EMSY: variants seen among roughly 807,000 people sequenced by gnomAD.
EMSY encodes the protein EMSY transcriptional repressor, BRCA2 interacting.
In EMSY, 26 loss-of-function variants were observed where a neutral mutation model predicts 134.6. The observed-to-expected ratio is 0.19, with a 90% CI of 0.14 to 0.27. The LOEUF is 0.27. Among genes scored for constraint, EMSY ranks in the 10% least tolerant of loss-of-function variants. The pLI, the probability that EMSY is intolerant of heterozygous loss-of-function variation, is 1.00. For missense variants in EMSY, 1,305 were observed against 1,611.4 expected (o/e 0.81, Z 3.26); for synonymous variants, 579 against 577.8 (o/e 1.00, Z -0.03).
At chr11:76,538,978 C>T (rs1951330195) in intron 16 of EMSY, among the ~76,000 whole-genome samples, 1 of 151,968 alleles carries the variant, frequency 6.6e-6, no homozygotes, top group Non-Finnish European at 1.5e-5. Flanking sequence ...CAAAAACAAG[C>T]CAAAAAACCC....
At chr11:76,524,129 A>G (rs1950758883) in intron 12 of EMSY, among the ~76,000 whole-genome samples, 1 of 152,136 alleles carries the variant, frequency 6.6e-6, no homozygotes, top group South Asian at 2.1e-4. Context: ...GTTAGACAAA[A>G]CAGGGCTTTG....
At chr11:76,522,303 C>T (rs1278380132) in intron 11 of EMSY, among the ~76,000 whole-genome samples, 1 of 137,438 alleles carries the variant, frequency 7.3e-6, no homozygotes, top group East Asian at 2.3e-4. Flanking sequence ...CTACAGATTA[C>T]AAAAGCATAC....
chr11:76,507,285 G>A (rs1950112481), intron 9 of EMSY, among the ~76,000 whole-genome samples: 2 of 152,262 alleles, frequency 1.3e-5, no homozygotes, highest in South Asian at 2.1e-4. Flanking sequence ...ACTGAAGGTT[G>A]GGGTGGTTAC....
rs992478301 is a variant in EMSY, at chr11:76,451,488, G to T, written c.71-370G>T. ...AGCCTAAGGAATTATTTTAAGAGTT[G>T]ATTAATGAAGATACCTTTTAGTAAT... On this transcript the variant is annotated intron_variant, in intron 2 of 20. Transcript: ENST00000334736. 5.3e-5 allele frequency among the ~76,000 whole-genome samples: 8 copies of T among 152,222 alleles called. No individual in the cohort carries two copies. The East Asian group carries it at 5.8e-4, about 11-fold the overall frequency.
intron 8 of EMSY, among the ~76,000 whole-genome samples, chr11:76,483,768 A>G (rs1271730856): frequency 6.6e-6 from 1 of 152,214 alleles, no homozygotes; most frequent in East Asian, 1.9e-4. Flanking sequence ...AGAGACCTAC[A>G]AAGAGACTTA....
At position 76,464,462 on chromosome 11, in the gene EMSY, C is replaced by T. The variant is rs73493480; in HGVS notation, c.831+382C>T. On this transcript the variant is annotated intron_variant, in intron 7 of 20. Coordinates refer to ENST00000334736, the Ensembl canonical transcript of EMSY. ...AAAGTAGTAAAGTTGTCAGGTGTTT[C>T]ATAGAAGAAAGGAAGGATATAATTA... Among the ~76,000 whole-genome samples the T allele has an allele frequency of 5.0e-3, 760 of 152,320 alleles. 4 individuals are homozygous for T. The highest frequency in any genetic ancestry group is 0.017 in the African/African-American group (722 of 41,578).
At chr11:76,523,704 C>CTTTTTTTTTTTTTTTTTTTTTTTTTTTT (rs746491659) in intron 12 of EMSY, among the ~76,000 whole-genome samples, 1 of 80,536 alleles carries the variant, frequency 1.2e-5, no homozygotes, top group African/African-American at 5.2e-5. Flanking sequence ...TTGTTACTTT[C>CTTTTTTTTTTTTTTTTTTTTTTTTTTTT]TTTTTTTTTT....
chr11:76,491,324 G>A (rs1479846203), intron 8 of EMSY, among the ~76,000 whole-genome samples: 1 of 151,988 alleles, frequency 6.6e-6, no homozygotes, highest in Non-Finnish European at 1.5e-5. Context: ...GGGACTACAG[G>A]TGTGTGCTGC....
intron 11 of EMSY, among the ~76,000 whole-genome samples, chr11:76,517,028 G>A (rs571381985): frequency 6.6e-6 from 1 of 151,942 alleles, no homozygotes; most frequent in Admixed American, 6.6e-5. Flanking sequence ...TGTTTTCATC[G>A]ATTATTATTT....
intron 8 of EMSY, among the ~76,000 whole-genome samples, chr11:76,479,182 C>G (rs1948876626): frequency 6.6e-6 from 1 of 152,106 alleles, no homozygotes; most frequent in Non-Finnish European, 1.5e-5. Context: ...TTGATCATCC[C>G]TAATCCGAAA....
chr11:76,461,628 CA>C (rs1948120904), intron 6 of EMSY, among the ~76,000 whole-genome samples: 1 of 152,204 alleles, frequency 6.6e-6, no homozygotes. Context: ...ACTTTTTGAT[CA>C]TTTTTAAAAC....
chr11:76,460,211 AT>A, intron 6 of EMSY, 126 bp downstream of exon 7: 1 of 1,116,390 alleles, frequency 9.0e-7, no homozygotes, highest in South Asian at 1.5e-5. Flanking sequence ...GTTTTTGAAG[AT>A]TTTAAAGAAT....
intron 8 of EMSY, among the ~76,000 whole-genome samples, chr11:76,486,257 G>A (rs565745792): frequency 3.9e-5 from 6 of 152,236 alleles, no homozygotes; most frequent in East Asian, 3.9e-4. Context: ...GTTGGCGGGT[G>A]GGGGGCAAGG....
intron 9 of EMSY, among the ~76,000 whole-genome samples, chr11:76,506,005 A>G (rs1470289430): frequency 6.6e-6 from 1 of 152,140 alleles, no homozygotes; most frequent in East Asian, 1.9e-4. Context: ...CTCTACAAAA[A>G]AAATTTTTTT....
At chr11:76,538,302 C>A (rs1277699930) in intron 16 of EMSY, among the ~76,000 whole-genome samples, 2 of 152,168 alleles carry the variant, frequency 1.3e-5, no homozygotes, top group Admixed American at 6.5e-5. Context: ...GCCCATCGCT[C>A]AGGCTGGAGT....
rs200985374 is a variant in EMSY at position 76,542,345 on chromosome 11, C to G, written c.2687C>G (p.Ala896Gly). ...TCCATCCCAGCATCTTCCCCTGGAG[C>G]AATCACCCACATTATGCAGCAGGTT... is the stretch of plus-strand genomic sequence containing the variant. Residue 896 changes from alanine to glycine, a missense_variant, in exon 18 of 21, where the codon GCA (alanine) becomes GGA (glycine). Around this residue, in one of 7 missense-constraint regions of EMSY, gnomAD observed 664 missense variants for 763.9 expected, o/e 0.87. Coordinates refer to ENST00000334736, the Ensembl canonical transcript of EMSY. The G allele has an allele frequency of 2.7e-4, 441 of 1,614,052 alleles. 4 individuals carry two copies. Among genetic ancestry groups the G allele is most frequent in the Admixed American group, 1.3e-4 (8 of 60,008 alleles).
intron 6 of EMSY, chr11:76,460,698 G>T (rs754638292): frequency 1.3e-5 from 2 of 151,864 alleles, no homozygotes; most frequent in Non-Finnish European, 2.9e-5. Flanking sequence ...AAAGAAAAGG[G>T]GCCGGGCACG....
intron 8 of EMSY, among the ~76,000 whole-genome samples, chr11:76,478,737 T>C (rs186894201): frequency 6.6e-6 from 1 of 151,654 alleles, no homozygotes; most frequent in Non-Finnish European, 1.5e-5. Context: ...CATTTTTCTA[T>C]AAATATCCTA....
At chr11:76,519,752 A>C (rs1950579907) in intron 11 of EMSY, among the ~76,000 whole-genome samples, 1 of 152,136 alleles carries the variant, frequency 6.6e-6, no homozygotes. Context: ...TAATGCCCAA[A>C]CTTTTACAGG....
Sources: allele counts gnomAD v4.1 joint callset (sites outside exome capture counted in the v4.1 genomes callset), GRCh38; gene constraint gnomAD v4.1.1; regional missense constraint gnomAD v4.1.1; transcripts MANE v1.5; gene names NCBI Gene and HGNC (gene_info 2026-07-23, HGNC 2026-07-21).